The following PARP8 variants were observed in gnomAD, a reference collection of about 807,000 sequenced individuals.
PARP8 encodes the protein poly(ADP-ribose) polymerase family member 8.
Under a neutral mutation model 124.1 loss-of-function variants are expected in PARP8, and 51 were observed. That is an observed-to-expected ratio of 0.41 (90% CI 0.33 to 0.52). The LOEUF (loss-of-function observed/expected upper bound fraction) is 0.52. PARP8 is among the 20% of genes least tolerant of loss of function. The probability of loss-of-function intolerance (pLI) is 0.21; values close to 1 mark genes in which losing one functional copy is unlikely to be tolerated. For synonymous variants in PARP8, 391 were observed against 361.5 expected, an observed-to-expected ratio of 1.08 and a Z score of -0.93; for missense variants, 860 against 1,018.9, an observed-to-expected ratio of 0.84 and a Z score of 2.12.
intron 2 of PARP8, among the ~76,000 whole-genome samples, chr5:50,688,627 T>A (rs1278576577): frequency 6.6e-6 from 1 of 152,206 alleles, no homozygotes; most frequent in African/African-American, 2.4e-5. Flanking sequence ...ATATACTAAT[T>A]TGATAGAAAT....
chr5:50,828,170 C>T, intron 20 of PARP8, 114 bp downstream of exon 20: 2 of 1,117,858 alleles, frequency 1.8e-6, no homozygotes, highest in South Asian at 1.3e-5. Flanking sequence ...GGTCATTCAA[C>T]AGATGGTCAT....
chr5:50,731,170 G>A (rs1356145663), intron 2 of PARP8, among the ~76,000 whole-genome samples: 1 of 152,168 alleles, frequency 6.6e-6, no homozygotes, highest in Non-Finnish European at 1.5e-5. Context: ...GTAAAATAAG[G>A]GATGTGCAAC....
Position 50,795,100 on chromosome 5 carries a change from G to T in PARP8, c.1111G>T (p.Val371Phe). The T allele has an allele frequency of 1.2e-6, 2 of 1,614,176 alleles. No individual in the cohort carries two copies. Among genetic ancestry groups the T allele is most frequent in the Non-Finnish European group, 1.7e-6 (2 of 1,180,040 alleles). Reference protein sequence around the residue: ...KLLNRPCPAAVKSEECLTLKS... With the variant: ...KLLNRPCPAAFKSEECLTLKS... ...TTTGAACCGTCCTTGCCCTGCAGCT[G>T]TTAAGTCAGAGGAATGCCTAACTCT... is the stretch of plus-strand genomic sequence containing the variant. The change falls in exon 12 of 26, where the codon GTT becomes TTT. Residue 371 changes from valine (V) to phenylalanine (F), a missense_variant. Around this residue, in one of 2 missense-constraint regions of PARP8, gnomAD observed 517 missense variants for 544.2 expected, o/e 0.95. Coordinates refer to ENST00000281631, the MANE Select transcript of PARP8 (RefSeq NM_024615.4).
At chr5:50,678,025 G>T (rs182629334) in intron 2 of PARP8, among the ~76,000 whole-genome samples, 2 of 152,094 alleles carry the variant, frequency 1.3e-5, no homozygotes, top group Admixed American at 6.5e-5. Context: ...CCTTGGCACA[G>T]AACTAAAATT....
At chr5:50,689,106 T>A (rs951553022) in intron 2 of PARP8, among the ~76,000 whole-genome samples, 1 of 150,990 alleles carries the variant, frequency 6.6e-6, no homozygotes, top group African/African-American at 2.4e-5. Context: ...GCTGCTGTTT[T>A]GACCCTCTGG....
At chr5:50,748,492 T>C (rs1342797281) in intron 2 of PARP8, among the ~76,000 whole-genome samples, 1 of 152,232 alleles carries the variant, frequency 6.6e-6, no homozygotes, top group Admixed American at 6.5e-5. Context: ...TGACTTTCCG[T>C]CTGGTATTAT....
chr5:50,753,282 T>C, intron 3 of PARP8, among the ~76,000 whole-genome samples: 1 of 152,042 alleles, frequency 6.6e-6, no homozygotes, highest in East Asian at 1.9e-4. Context: ...CTCTTATCCC[T>C]AGTAGAGGAA....
At chr5:50,817,679 G>T (rs1745255692) in intron 15 of PARP8, among the ~76,000 whole-genome samples, 1 of 152,086 alleles carries the variant, frequency 6.6e-6, no homozygotes, top group Non-Finnish European at 1.5e-5. Flanking sequence ...AATTACTATT[G>T]CAGTATTGGA....
At chr5:50,744,621 A>C in intron 2 of PARP8, 2 of 653,058 alleles carry the variant, frequency 3.1e-6, no homozygotes, top group Admixed American at 2.6e-5. Context: ...TGTTCATATA[A>C]TATATACCAA....
intron 2 of PARP8, among the ~76,000 whole-genome samples, chr5:50,719,381 T>G (rs1755648308): frequency 6.6e-6 from 1 of 152,102 alleles, no homozygotes; most frequent in Non-Finnish European, 1.5e-5. Context: ...TTTTGATGTC[T>G]TACTTAAGAA....
intron 2 of PARP8, chr5:50,739,143 A>G: frequency 2.9e-6 from 2 of 696,538 alleles, no homozygotes; most frequent in South Asian, 3.0e-5. Flanking sequence ...ACCAACAACC[A>G]TTGAGGCCAA....
At chr5:50,800,406 T>C (rs1466283973) in intron 14 of PARP8, among the ~76,000 whole-genome samples, 3 of 152,192 alleles carry the variant, frequency 2.0e-5, no homozygotes, top group African/African-American at 7.2e-5. Flanking sequence ...TTAATCAGGA[T>C]GCCTTTTATT....
intron 3 of PARP8, 134 bp from the exon 4 acceptor site, chr5:50,759,509 T>C (rs1760318588): frequency 9.9e-7 from 1 of 1,006,436 alleles, no homozygotes; most frequent in Non-Finnish European, 1.3e-6. Context: ...ATTTTTTGAG[T>C]TTAATCAAAC....
intron 2 of PARP8, among the ~76,000 whole-genome samples, chr5:50,749,308 C>T (rs1436038411): frequency 1.3e-5 from 2 of 152,098 alleles, no homozygotes; most frequent in East Asian, 3.8e-4. Flanking sequence ...TTTTCTGTGG[C>T]AGGTGGCAGC....
intron 21 of PARP8, 149 bp from the exon 22 acceptor site, chr5:50,829,743 A>T: frequency 1.6e-6 from 1 of 618,174 alleles, no homozygotes; most frequent in Non-Finnish European, 2.5e-6. Context: ...CAAGGATATT[A>T]GTACTGTTTT....
intron 2 of PARP8, among the ~76,000 whole-genome samples, chr5:50,735,083 T>A (rs185243798): frequency 1.3e-5 from 2 of 152,220 alleles, no homozygotes; most frequent in Admixed American, 6.5e-5. Context: ...TAAGATAGAT[T>A]GATGCTTGCT....
intron 2 of PARP8, among the ~76,000 whole-genome samples, chr5:50,715,789 A>G (rs1459747424): frequency 6.6e-6 from 1 of 152,020 alleles, no homozygotes; most frequent in Non-Finnish European, 1.5e-5. Flanking sequence ...AAACTATTAG[A>G]TTTTTTACAA....
intron 15 of PARP8, among the ~76,000 whole-genome samples, chr5:50,816,513 C>T (rs181775255): frequency 6.6e-6 from 1 of 152,170 alleles, no homozygotes; most frequent in Admixed American, 6.5e-5. Context: ...GGAATGTACA[C>T]ACTCCTTGGC....
intron 18 of PARP8, among the ~76,000 whole-genome samples, chr5:50,825,765 T>C (rs1186161327): frequency 1.3e-5 from 2 of 152,164 alleles, no homozygotes; most frequent in Admixed American, 1.3e-4. Flanking sequence ...GAGATTGATA[T>C]GAATGAGCAC....
Sources: allele counts gnomAD v4.1 joint callset (sites outside exome capture counted in the v4.1 genomes callset), GRCh38; gene constraint gnomAD v4.1.1; regional missense constraint gnomAD v4.1.1; transcripts MANE v1.5; gene names NCBI Gene and HGNC (gene_info 2026-07-23, HGNC 2026-07-21).